Variants in KIF19 observed in about 807,000 individuals in gnomAD.
KIF19 encodes kinesin-like protein KIF19.
Under a neutral mutation model 106.6 loss-of-function variants are expected in KIF19, and 98 were observed. That is an observed-to-expected ratio of 0.92 (90% confidence interval 0.78 to 1.09). KIF19 has a LOEUF of 1.09. Ranked by LOEUF, KIF19 falls within the 50% of genes least tolerant of loss-of-function variation. The pLI is 0.00. For synonymous variants in KIF19, 516 were observed against 584.2 expected (o/e 0.88, Z 1.68); for missense variants, 1,373 against 1,414.3 (o/e 0.97, Z 0.47).
intron 2 of KIF19, 97 bp from the exon 3 acceptor site, chr17:74,341,779 G>C: frequency 1.2e-6 from 1 of 830,890 alleles, no homozygotes. Context: ...AACTCTGATC[G>C]ACAAAGGGGT....
rs1328084447 is a variant in KIF19 at position 74,346,815 on chromosome 17, T to TG, written c.924+294dup. ...CACGTGATACCCCCACCCAGGGCTGTGGGTCAGAGCCGTCTAGATTTGGGG... is the reference window on the plus strand; with the variant it reads ...CACGTGATACCCCCACCCAGGGCTGTGGGGTCAGAGCCGTCTAGATTTGGGG... On this transcript the variant is annotated intron_variant, in intron 8 of 19. Transcript: ENST00000389916. This position sits in a 1 kb window ranked among gnomAD's most constrained non-coding sequence, Gnocchi z 4.6. Among the ~76,000 whole-genome samples the TG allele has an allele frequency of 1.3e-5, 2 of 152,176 alleles. No individual in the cohort carries two copies. The highest frequency in any genetic ancestry group is 2.9e-5 in the Non-Finnish European group (2 of 68,018).
chr17:74,351,921 G>A lies in KIF19; in HGVS notation c.1642G>A (p.Glu548Lys). The A allele has an allele frequency of 6.9e-7, 1 of 1,444,648 alleles. No individual in the cohort carries two copies. The highest frequency in any genetic ancestry group is 9.0e-7 in the Non-Finnish European group (1 of 1,106,078). The allele number at this position is 1,444,648 out of a possible 1,614,324, so 89.5% of individuals were successfully genotyped here. ...GCGCGCGCGGGGCCGGCGCCTGGAG[G>A]AGACGCTGCCGCGGCGCATCGGCTC... ...ELRARGRRLE[E>K]TLPRRIGSEE... The change falls in exon 13 of 20, where the codon GAG becomes AAG. Residue 548 changes from glutamate (E) to lysine (K), a missense_variant. Glu to Lys is a moderately conservative substitution (Grantham distance 56). This residue lies in a region of KIF19 where 1,020 missense variants were observed against 1,008.2 expected (regional missense o/e 1.01). Transcript: ENST00000389916.
At position 74,355,622 on chromosome 17, in the gene KIF19, A is replaced by G. The variant is rs9302976; in HGVS notation, c.*310A>G. The stretch of plus-strand genomic sequence containing the variant: ...AGGCCAGCCTCGGCCTTGGTAACGG[A>G]GGAAAGCAGCTGACAGTGAGACGGG... On this transcript the variant is annotated 3_prime_UTR_variant, in exon 20 of 20. Transcript: ENST00000389916. 0.95 allele frequency: 241,705 copies of G among 253,154 alleles called. 115,542 individuals are homozygous for G. The highest frequency in any genetic ancestry group is 0.98 in the Non-Finnish European group (131,020 of 133,990). 15.7% of individuals were successfully genotyped at this position (253,154 alleles called of 1,614,324 possible).
chr17:74,343,137 G>T lies in KIF19; in HGVS notation c.433G>T (p.Glu145Ter). ...IEETSNDMEYEVSMSYLEIYN... is the reference protein window; with the variant it reads ...IEETSNDMEY Reference sequence around the variant, plus strand: ...GGAGACCAGCAATGACATGGAGTATGAGGTCTCCATGTCCTACCTGGAGGT... The same window carrying T: ...GGAGACCAGCAATGACATGGAGTATTAGGTCTCCATGTCCTACCTGGAGGT... The change falls in exon 5 of 20, where the codon GAG (glutamate) becomes TAG (stop). Residue 145 changes from glutamate (E) to a stop codon, truncating the protein, a stop_gained. Transcript: ENST00000389916. LOFTEE classifies it high-confidence loss of function. 1 of 1,612,896 alleles carries T rather than the reference G, an allele frequency of 6.2e-7. No homozygotes were observed.
At chr17:74,336,979 C>A (rs1031538790) in intron 2 of KIF19, among the ~76,000 whole-genome samples, 2 of 152,178 alleles carry the variant, frequency 1.3e-5, no homozygotes, top group African/African-American at 4.8e-5. Flanking sequence ...GCGCGTGCCA[C>A]CATGCCCGGC....
intron 5 of KIF19, among the ~76,000 whole-genome samples, chr17:74,343,512 A>G (rs897237143): frequency 3.3e-5 from 5 of 152,314 alleles, no homozygotes; most frequent in African/African-American, 9.6e-5. Flanking sequence ...AAAACTGAAC[A>G]TACATGTACA....
rs1416874871 is a variant in KIF19, at chr17:74,354,336, C to G, written c.2483C>G (p.Ala828Gly). The G allele has an allele frequency of 1.9e-6, 3 of 1,606,832 alleles. No individual in the cohort carries two copies. In the Admixed American group the frequency reaches 5.1e-5, roughly 27 times the overall value. Residue 828 changes from alanine to glycine, a missense_variant, in exon 18 of 20, where the codon GCC becomes GGC. Ala to Gly is a moderately conservative substitution (Grantham distance 60). Transcript: ENST00000389916. ...GDDARPPGPL[A>G]CKRPPSPTLQ... ...GATGCGCGGCCACCAGGCCCACTGG[C>G]CTGCAAGCGGCCGCCCAGCCCCACA...
At chr17:74,332,243 T>TTC (rs1408892882) in intron 2 of KIF19, among the ~76,000 whole-genome samples, 2 of 144,442 alleles carry the variant, frequency 1.4e-5, no homozygotes, top group African/African-American at 2.6e-5. Context: ...TGTGTGTGTG[T>TTC]GTTCCTGGAA....
rs969177257 is a variant in KIF19 at position 74,331,797 on chromosome 17, G to A, written c.120+3292G>A. On this transcript the variant is annotated intron_variant, in intron 2 of 19. Transcript: ENST00000389916. The surrounding 1 kb of genome is among the most constrained non-coding windows in gnomAD (Gnocchi z 4.1). ...TTGCTATGGTGGCCAGGCTGGTCTC[G>A]AACTCCTGACCTCAAGTGATACACC... Among the ~76,000 whole-genome samples, 3 of 151,952 alleles carry A rather than the reference G, an allele frequency of 2.0e-5. No individual in the cohort carries two copies. Among genetic ancestry groups the A allele is most frequent in the Admixed American group, 6.6e-5 (1 of 15,262 alleles).
chr17:74,352,089 C>G lies in KIF19; in HGVS notation c.1810C>G (p.Arg604Gly), dbSNP rs769369176. ...HEAVRRLEQH[R>G]SLCDEIIQGQ... is the part of the protein sequence containing the mutation. ...GGCCGTGCGCCGCCTGGAGCAGCAC[C>G]GCAGTCTCTGCGACGAGATTATCCA... The change falls in exon 13 of 20, where the codon CGC becomes GGC. Residue 604 changes from arginine (R) to glycine (G), a missense_variant. Coordinates refer to ENST00000389916, the MANE Select transcript of KIF19 (RefSeq NM_153209.4). 10 of 1,589,896 alleles carry G rather than the reference C, an allele frequency of 6.3e-6. No individual in the cohort carries two copies. Among genetic ancestry groups the G allele is most frequent in the Non-Finnish European group, 8.6e-6 (10 of 1,168,156 alleles).
chr17:74,346,356 G>T lies in KIF19; in HGVS notation c.778-22G>T, dbSNP rs113076528. 12 of 1,563,498 alleles carry T rather than the reference G, an allele frequency of 7.7e-6. No individual in the cohort carries two copies. Among genetic ancestry groups the T allele is most frequent in the African/African-American group, 6.8e-5 (5 of 73,536 alleles). On this transcript the variant is annotated intron_variant, in intron 7 of 19. Coordinates refer to ENST00000389916, the MANE Select transcript of KIF19 (RefSeq NM_153209.4). The surrounding 1 kb of genome is among the most constrained non-coding windows in gnomAD (Gnocchi z 4.6). The stretch of plus-strand genomic sequence containing the variant: ...TCCCCTGCCTCATCAGGCCACACGT[G>T]TGCCCTTTGCTCGCCCCCTAGACAC...
At position 74,352,312 on chromosome 17, in the gene KIF19, T is replaced by G. The variant is rs775128139; in HGVS notation, c.1952T>G (p.Met651Arg). ...GGCAGCCTGGAGCAGGCCACCATCA[T>G]GGACCAAGTGGCCTCCAGGGCCCTG... ...EEGSLEQATI[M>R]DQVASRALQD... The change falls in exon 14 of 20, where the codon ATG becomes AGG. Residue 651 changes from methionine to arginine, a missense_variant. By Grantham distance (91) the Met-to-Arg change is moderately conservative. Around this residue, in one of 3 missense-constraint regions of KIF19, gnomAD observed 1,020 missense variants for 1,008.2 expected, o/e 1.01. Coordinates refer to ENST00000389916, the MANE Select transcript of KIF19 (RefSeq NM_153209.4). 1 of 1,610,972 alleles carries G rather than the reference T, an allele frequency of 6.2e-7. No individual in the cohort carries two copies. Among genetic ancestry groups the G allele is most frequent in the Admixed American group, 1.7e-5 (1 of 59,692 alleles).
At chr17:74,330,178 G>T (rs762341291) in intron 2 of KIF19, among the ~76,000 whole-genome samples, 44 of 152,196 alleles carry the variant, frequency 2.9e-4, no homozygotes, top group Admixed American at 7.9e-4. Flanking sequence ...CGTCTAAATG[G>T]GTCAGACCCA....
rs144797989 is a variant in KIF19 at position 74,347,274 on chromosome 17, C to T, written c.925-503C>T. Among the ~76,000 whole-genome samples, 375 of 152,252 alleles carry T rather than the reference C, an allele frequency of 2.5e-3. 1 individual carries two copies. Among genetic ancestry groups the T allele is most frequent in the African/African-American group, 8.6e-3 (357 of 41,548 alleles). On this transcript the variant is annotated intron_variant, in intron 8 of 19. Coordinates refer to ENST00000389916, the MANE Select transcript of KIF19 (RefSeq NM_153209.4). Reference sequence around the variant, plus strand: ...AAGGAAAGCCGGGTGTGGTGGCTCACGCCTGGAATCCCAGCACTTTGGGAG... The same window carrying T: ...AAGGAAAGCCGGGTGTGGTGGCTCATGCCTGGAATCCCAGCACTTTGGGAG...
Position 74,354,414 on chromosome 17 carries a change from C to T in KIF19, c.2561C>T (p.Pro854Leu), listed in dbSNP as rs767572083. Residue 854 changes from proline (P) to leucine (L), a missense_variant, in exon 18 of 20, where the codon CCG becomes CTG. Pro to Leu is a moderately conservative substitution (Grantham distance 98, BLOSUM62 -3). Around this residue, in one of 3 missense-constraint regions of KIF19, gnomAD observed 1,020 missense variants for 1,008.2 expected, o/e 1.01. Transcript: ENST00000389916. The stretch of plus-strand genomic sequence containing the variant: ...CTGTCCAGCAGCACGGGCGAGGCCC[C>T]GTCCCGGGCAGTCGGACATCATGGG... ...DNLSSSTGEA[P>L]SRAVGHHGDG... 7 of 1,611,146 alleles carry T rather than the reference C, an allele frequency of 4.3e-6. No individual in the cohort carries two copies. The highest frequency in any genetic ancestry group is 1.3e-5 in the African/African-American group (1 of 74,928).
rs1431182872 is a variant in KIF19, at chr17:74,349,297, G to A, written c.1161G>A (p.Gly387=). 1 of 1,612,054 alleles carries A rather than the reference G, an allele frequency of 6.2e-7. No homozygotes were observed. The change falls in exon 10 of 20, where the codon GGG becomes GGA. Residue 387 remains glycine, a synonymous_variant. Coordinates refer to ENST00000389916, the MANE Select transcript of KIF19 (RefSeq NM_153209.4). The part of the protein sequence containing the change: ...RLKRKIDEQT[G]RGQARGRQDR... ...AGCGCAAGATTGATGAGCAGACTGG[G>A]CGGGGCCAGGCCCGGGGCCGGCAGG...
chr17:74,330,747 A>G lies in KIF19; in HGVS notation c.120+2242A>G, dbSNP rs145822662. 1.4e-3 allele frequency among the ~76,000 whole-genome samples: 214 copies of G among 152,346 alleles called. 1 individual carries two copies. The highest frequency in any genetic ancestry group is 5.0e-3 in the African/African-American group (208 of 41,580). Reference sequence around the variant, plus strand: ...TCCCTCTCTGGGTCTGGCCTAATCCAGCCAAGATACGCCTCCACTGCCTCC... The same window carrying G: ...TCCCTCTCTGGGTCTGGCCTAATCCGGCCAAGATACGCCTCCACTGCCTCC... On this transcript the variant is annotated intron_variant, in intron 2 of 19. Coordinates refer to ENST00000389916, the MANE Select transcript of KIF19 (RefSeq NM_153209.4).
At chr17:74,341,831 C>G in intron 2 of KIF19, 45 bp from the exon 3 acceptor site, 2 of 1,399,596 alleles carry the variant, frequency 1.4e-6, no homozygotes, top group Non-Finnish European at 2.0e-6. Flanking sequence ...CATCAGGGCC[C>G]GGGGTTCCCA....
rs1252930581 is a variant in KIF19 at position 74,337,924 on chromosome 17, C to T, written c.121-3952C>T. Among the ~76,000 whole-genome samples, 5 of 152,302 alleles carry T rather than the reference C, an allele frequency of 3.3e-5. 1 individual carries two copies. The South Asian group carries it at 1.0e-3, about 32-fold the overall frequency. On this transcript the variant is annotated intron_variant, in intron 2 of 19. Transcript: ENST00000389916. Reference sequence around the variant, plus strand: ...GGGGACAGGAATAGGGTGATGCTCTCGAGGGTGGGGCGGGGGCTGGAGCCC... The same window carrying T: ...GGGGACAGGAATAGGGTGATGCTCTTGAGGGTGGGGCGGGGGCTGGAGCCC...
Sources: gnomAD v4.1 joint callset for allele counts (sites outside exome capture counted in the v4.1 genomes callset) on GRCh38, gnomAD v4.1.1 for gene constraint, gnomAD v4.1.1 regional missense constraint, Gnocchi (gnomAD v3.1) non-coding constraint, MANE v1.5 for transcripts, NCBI Gene and HGNC (gene_info 2026-07-23, HGNC 2026-07-21) for gene names.